TKT: variants seen among roughly 807,000 people sequenced by gnomAD.
The protein encoded by TKT is epididymis luminal protein 107.
TKT carries 47 observed loss-of-function variants against 63.9 expected under a neutral mutation model. That is an observed-to-expected ratio of 0.74 (90% confidence interval 0.58 to 0.94). The LOEUF is 0.94. Among genes scored for constraint, TKT ranks in the 40% least tolerant of loss-of-function variants. TKT has a pLI of 0.00. For missense variants in TKT, 721 were observed against 846.2 expected, an observed-to-expected ratio of 0.85 and a Z score of 1.84; for synonymous variants, 338 against 334.1, an observed-to-expected ratio of 1.01 and a Z score of -0.13.
At chr3:53,251,774 G>C (rs1194960024) in intron 1 of TKT, among the ~76,000 whole-genome samples, 3 of 152,130 alleles carry the variant, frequency 2.0e-5, no homozygotes, top group Non-Finnish European at 4.4e-5. Flanking sequence ...AGACTGCAGG[G>C]AGCCATGACT....
intron 1 of TKT, among the ~76,000 whole-genome samples, chr3:53,243,818 G>A (rs566085314): frequency 5.0e-4 from 76 of 152,294 alleles, no homozygotes; most frequent in African/African-American, 1.8e-3. Context: ...GGCCCTGAGG[G>A]GTCCTGTTTC....
chr3:53,228,376 TAAA>T lies in TKT; in HGVS notation c.1396-20_1396-18del, dbSNP rs1346694796. 2 of 1,613,428 alleles carry T rather than the reference TAAA, an allele frequency of 1.2e-6. No individual in the cohort carries two copies. The highest frequency in any genetic ancestry group is 1.7e-5 in the Admixed American group (1 of 60,006). On this transcript the variant is annotated intron_variant, in intron 10 of 13. Coordinates refer to ENST00000462138, the MANE Select transcript of TKT (RefSeq NM_001064.4). ...GCAGATACCCTGAGACCGAAACAGATAAACTGAGGATACAGGATGTGGCACACC... is the reference window on the plus strand; with the variant it reads ...GCAGATACCCTGAGACCGAAACAGATCTGAGGATACAGGATGTGGCACACC...
chr3:53,235,103 G>A lies in TKT; in HGVS notation c.509C>T (p.Ala170Val). 6.2e-7 allele frequency: 1 copy of A among 1,613,856 alleles called. No homozygotes were observed. The highest frequency in any genetic ancestry group is 8.5e-7 in the Non-Finnish European group (1 of 1,180,006). The stretch of plus-strand genomic sequence containing the variant: ...AAGGTTGTCCAGCTTATAGATGCTG[G>A]CGAAGGCCATGGCCTCCCATACAGA... Reference protein sequence around the residue: ...EGSVWEAMAFASIYKLDNLVA... With the variant: ...EGSVWEAMAFVSIYKLDNLVA... The change falls in exon 5 of 14, where the codon GCC becomes GTC. Residue 170 changes from alanine to valine, a missense_variant. Physicochemically the swap from Ala to Val is moderately conservative, Grantham distance 64. Transcript: ENST00000462138.
In TKT at chr3:53,224,903, G is replaced by A. The variant is rs1704440877; in HGVS notation, c.*853C>T. 2 of 152,296 alleles carry A rather than the reference G, an allele frequency of 1.3e-5. No homozygotes were observed. The highest frequency in any genetic ancestry group is 2.9e-5 in the Non-Finnish European group (2 of 68,090). 9.4% of individuals were successfully genotyped at this position (152,296 alleles called of 1,614,324 possible). A position where few individuals can be genotyped will look rare whatever the true frequency, so the allele number is the denominator to read the frequency against. ...AGGTTTTGCACAGTTGACCTTATAA[G>A]CAGGGCTGACCCCAGCTGAGCCCGA... On this transcript the variant is annotated 3_prime_UTR_variant, in exon 14 of 14. Transcript: ENST00000462138.
chr3:53,239,506 T>A (rs1158093024), intron 4 of TKT, among the ~76,000 whole-genome samples: 1 of 152,014 alleles, frequency 6.6e-6, no homozygotes, highest in Non-Finnish European at 1.5e-5. Flanking sequence ...AGAGTCTTGC[T>A]CTGTTGCCTA....
intron 1 of TKT, among the ~76,000 whole-genome samples, chr3:53,254,991 C>T (rs1168465463): frequency 2.6e-5 from 4 of 152,246 alleles, no homozygotes; most frequent in African/African-American, 9.6e-5. Flanking sequence ...GACGTCACTC[C>T]CGGCGCTAGG....
At chr3:53,234,716 T>C (rs1704932717) in intron 5 of TKT, 2 of 351,240 alleles carry the variant, frequency 5.7e-6, no homozygotes, top group African/African-American at 2.1e-5. Flanking sequence ...CGAGCTGACG[T>C]GAGATGGTGT....
At chr3:53,230,404 G>T in intron 8 of TKT, 53 bp downstream of exon 8, 2 of 1,610,928 alleles carry the variant, frequency 1.2e-6, no homozygotes, top group South Asian at 2.2e-5. Flanking sequence ...GCACCCCTCA[G>T]ACCACAGCCC....
At chr3:53,228,178 C>T (rs547225704) in intron 11 of TKT, 29 bp from the exon 12 acceptor site, 3 of 1,613,740 alleles carry the variant, frequency 1.9e-6, no homozygotes, top group Admixed American at 1.7e-5. Context: ...GTGAGTAAGG[C>T]TCAGGGCCCT....
At chr3:53,236,998 C>T (rs1173164915) in intron 4 of TKT, among the ~76,000 whole-genome samples, 3 of 152,198 alleles carry the variant, frequency 2.0e-5, no homozygotes, top group Non-Finnish European at 1.5e-5. Flanking sequence ...TGTTGTAGAA[C>T]GATTTGGAAA....
intron 8 of TKT, among the ~76,000 whole-genome samples, chr3:53,230,252 T>C (rs572837036): frequency 6.6e-6 from 1 of 152,372 alleles, no homozygotes; most frequent in South Asian, 2.1e-4. Context: ...TGTGCACACC[T>C]GTCCAGGACA....
At chr3:53,232,261 G>A (rs1704798465) in intron 6 of TKT, 3 of 398,020 alleles carry the variant, frequency 7.5e-6, no homozygotes, top group Admixed American at 4.4e-5. Flanking sequence ...TTTAACACCA[G>A]AGGGCAGTGC....
intron 10 of TKT, 21 bp downstream of exon 10, chr3:53,228,986 A>G (rs1310366574): frequency 6.2e-7 from 1 of 1,613,786 alleles, no homozygotes; most frequent in East Asian, 2.2e-5. Context: ...CAGCAGGAGA[A>G]AGAACAGCCA....
Position 53,225,707 on chromosome 3 carries a change from C to T in TKT, c.*49G>A. ...CTCAGTACATCTTTGAGCACCTTTC[C>T]CAGAATCTCAGGAATGTATAGACCC... On this transcript the variant is annotated 3_prime_UTR_variant, in exon 14 of 14. Coordinates refer to ENST00000462138, the MANE Select transcript of TKT (RefSeq NM_001064.4). 1 of 1,521,314 alleles carries T rather than the reference C, an allele frequency of 6.6e-7. No homozygotes were observed. Among genetic ancestry groups the T allele is most frequent in the Non-Finnish European group, 8.9e-7 (1 of 1,124,932 alleles). 94.2% of individuals were successfully genotyped at this position (1,521,314 alleles called of 1,614,324 possible).
At chr3:53,231,669 T>A in intron 6 of TKT, 119 bp from the exon 7 acceptor site, 1 of 1,121,780 alleles carries the variant, frequency 8.9e-7, no homozygotes. Flanking sequence ...AATGGCATCA[T>A]CCCAGACAGG....
Position 53,255,963 on chromosome 3 carries a change from G to A in TKT, c.-21C>T, listed in dbSNP as rs781964871. ...TCCATGGTGCGGCAGGCGGGGACCG[G>A]GCGCACACGCGGACACACAGAGATA... On this transcript the variant is annotated 5_prime_UTR_variant, in exon 1 of 14. Coordinates refer to ENST00000462138, the MANE Select transcript of TKT (RefSeq NM_001064.4). The A allele has an allele frequency of 7.4e-6, 11 of 1,491,506 alleles. No individual in the cohort carries two copies. The South Asian group carries it at 1.0e-4, about 14-fold the overall frequency. 92.4% of individuals were successfully genotyped at this position (1,491,506 alleles called of 1,614,324 possible).
chr3:53,236,546 G>T (rs1280142212), intron 4 of TKT, among the ~76,000 whole-genome samples: 1 of 152,196 alleles, frequency 6.6e-6, no homozygotes, highest in Admixed American at 6.5e-5. Context: ...TGTAGGTTTT[G>T]AGGGGGCCCA....
At chr3:53,246,941 A>AG (rs1287611523) in intron 1 of TKT, among the ~76,000 whole-genome samples, 1 of 152,122 alleles carries the variant, frequency 6.6e-6, no homozygotes, top group Non-Finnish European at 1.5e-5. Flanking sequence ...ATGAGGATGG[A>AG]GGGACCCACT....
intron 13 of TKT, chr3:53,226,192 T>C (rs1282812001): frequency 9.6e-6 from 4 of 416,252 alleles, no homozygotes; most frequent in African/African-American, 2.0e-5. Context: ...AGTGCTGGGA[T>C]TGCAGGTGTG....
Sources: allele counts gnomAD v4.1 joint callset (sites outside exome capture counted in the v4.1 genomes callset), GRCh38; gene constraint gnomAD v4.1.1; transcripts MANE v1.5; gene names NCBI Gene and HGNC (gene_info 2026-07-23, HGNC 2026-07-21).